Variants in PTPN21 observed in about 807,000 individuals in gnomAD.
The protein encoded by PTPN21 is tyrosine-protein phosphatase non-receptor type 21.
A neutral mutation model predicts 131.8 loss-of-function variants in PTPN21; 77 were observed. The observed-to-expected ratio is 0.58, with a 90% CI of 0.49 to 0.71. The LOEUF (loss-of-function observed/expected upper bound fraction) is 0.71. Among genes scored for constraint, PTPN21 ranks in the 30% least tolerant of loss-of-function variants. The probability of loss-of-function intolerance (pLI) is 0.00; values close to 1 mark genes in which losing one functional copy is unlikely to be tolerated. For missense variants in PTPN21, 1,552 were observed against 1,527.1 expected, an observed-to-expected ratio of 1.02 and a Z score of -0.27; for synonymous variants, 715 against 621.3, an observed-to-expected ratio of 1.15 and a Z score of -2.24.
In PTPN21 at chr14:88,479,283, GTCCTCC is replaced by G. The variant is rs765072459; in HGVS notation, c.2142_2147del (p.Glu714_Glu715del). 1.2e-6 allele frequency: 2 copies of G among 1,604,494 alleles called. No individual in the cohort carries two copies. The highest frequency in any genetic ancestry group is 8.5e-7 in the Non-Finnish European group (1 of 1,173,924). ...CCCCGCTCTCCTCCTCGAAGTCCTC[GTCCTCC>G]TCCTCCTCGCTGCTGTGGATTAGCA... On this transcript the variant is annotated inframe_deletion, in exon 13 of 19. Coordinates refer to ENST00000556564, the MANE Select transcript of PTPN21 (RefSeq NM_007039.4).
At chr14:88,524,218 T>A (rs2078442292) in intron 2 of PTPN21, among the ~76,000 whole-genome samples, 2 of 152,200 alleles carry the variant, frequency 1.3e-5, no homozygotes, top group Admixed American at 6.5e-5. Flanking sequence ...ACTTCCTTGT[T>A]TCAAAACTTA....
Position 88,466,549 on chromosome 14 carries a change from T to TAGACCC in PTPN21, c.*1587_*1588insGGGTCT, listed in dbSNP as rs2077366208. On this transcript the variant is annotated 3_prime_UTR_variant, in exon 19 of 19. Transcript: ENST00000556564. ...GCCCTAGATTTGACATTTTGGAAGT[T>TAGACCC]CACTGTAAGAAGAGACCCCAAAAAG... 2 of 152,164 alleles carry TAGACCC rather than the reference T, an allele frequency of 1.3e-5. No individual in the cohort carries two copies. Among genetic ancestry groups the TAGACCC allele is most frequent in the Admixed American group, 1.3e-4 (2 of 15,262 alleles). The allele number at this position is 152,164 out of a possible 1,614,324, so 9.4% of individuals were successfully genotyped here. A position where few individuals can be genotyped will look rare whatever the true frequency, so the allele number is the denominator to read the frequency against.
intron 2 of PTPN21, chr14:88,547,726 C>A: frequency 2.2e-6 from 1 of 451,064 alleles, no homozygotes; most frequent in Admixed American, 2.4e-5. Context: ...TCTTCTTCTT[C>A]GGCAGTTTCA....
chr14:88,550,348 C>G lies in PTPN21; in HGVS notation c.70G>C (p.Val24Leu). 1.2e-6 allele frequency: 2 copies of G among 1,614,222 alleles called. No individual in the cohort carries two copies. The highest frequency in any genetic ancestry group is 1.7e-6 in the Non-Finnish European group (2 of 1,180,046). The change falls in exon 2 of 19, where the codon GTT becomes CTT. Residue 24 changes from valine to leucine, a missense_variant. By Grantham distance (32) the Val-to-Leu change is conservative (BLOSUM62 1). Around this residue, in one of 4 missense-constraint regions of PTPN21, gnomAD observed 206 missense variants for 221.6 expected, o/e 0.93. Transcript: ENST00000556564. The part of the protein sequence containing the change: ...RYTVSSKSCL[V>L]ARIQLLNNEF... ...TTATTAAGCAGTTGGATCCGGGCAA[C>G]CAGGCAACTCTTGCTGGACACCGTG...
At chr14:88,491,440 C>T (rs999701844) in intron 10 of PTPN21, among the ~76,000 whole-genome samples, 1 of 152,172 alleles carries the variant, frequency 6.6e-6, no homozygotes, top group Non-Finnish European at 1.5e-5. Context: ...CAGAAGCCAC[C>T]GTCCAGTTCC....
intron 2 of PTPN21, among the ~76,000 whole-genome samples, chr14:88,547,275 C>G (rs533344199): frequency 1.5e-5 from 2 of 134,540 alleles, no homozygotes; most frequent in East Asian, 2.2e-4. Context: ...AAGAAAATTA[C>G]AGGAAGAAGA....
intron 10 of PTPN21, among the ~76,000 whole-genome samples, chr14:88,488,892 T>A (rs1045593646): frequency 6.6e-6 from 1 of 152,174 alleles, no homozygotes; most frequent in Non-Finnish European, 1.5e-5. Flanking sequence ...ATTGAAACTG[T>A]GCTAAGGACT....
At chr14:88,509,187 A>G (rs954797831) in intron 3 of PTPN21, among the ~76,000 whole-genome samples, 2 of 149,496 alleles carry the variant, frequency 1.3e-5, no homozygotes, top group African/African-American at 5.1e-5. Flanking sequence ...CCTTTTATTT[A>G]TTTTCTCAAC....
Position 88,480,231 on chromosome 14 carries a change from G to A in PTPN21, c.1200C>T (p.Thr400=), listed in dbSNP as rs762719007. Residue 400 remains threonine (T), a synonymous_variant, in exon 13 of 19, where the codon ACC becomes ACT. Transcript: ENST00000556564. ...AGGGCTGAGGATTATTTAAGGAGTT[G>A]GTGCTGTGTGCACTGTAGACACTGC... The part of the protein sequence containing the change: ...RNGSVYSAHS[T]NSLNNPQPYL... The A allele has an allele frequency of 1.7e-5, 28 of 1,613,982 alleles. No homozygotes were observed. The Admixed American group carries it at 4.2e-4, about 24-fold the overall frequency.
chr14:88,548,066 T>G (rs1321566311), intron 2 of PTPN21, among the ~76,000 whole-genome samples: 1 of 152,130 alleles, frequency 6.6e-6, no homozygotes, highest in Admixed American at 6.5e-5. Context: ...ACTGAAAACC[T>G]GAATATCAAC....
Position 88,473,682 on chromosome 14 carries a change from C to T in PTPN21, c.2632G>A (p.Ala878Thr). 1 of 1,613,034 alleles carries T rather than the reference C, an allele frequency of 6.2e-7. No homozygotes were observed. Among genetic ancestry groups the T allele is most frequent in the Non-Finnish European group, 8.5e-7 (1 of 1,179,846 alleles). ...PDEGKEVATR[A>T]TNDERCKILE... ...ATACATACCCTTTCATCATTCGTTG[C>T]TCTGGTAGCCACTTCCTTTCCTTCA... Residue 878 changes from alanine to threonine, a missense_variant, in exon 14 of 19, where the codon GCA (alanine) becomes ACA (threonine). Physicochemically the swap from Ala to Thr is moderately conservative, Grantham distance 58 (BLOSUM62 0). This residue lies in a region of PTPN21 where 316 missense variants were observed against 378.5 expected (regional missense o/e 0.83). Transcript: ENST00000556564.
chr14:88,470,631 A>G (rs940626787), intron 15 of PTPN21, among the ~76,000 whole-genome samples: 1 of 152,244 alleles, frequency 6.6e-6, no homozygotes, highest in African/African-American at 2.4e-5. Flanking sequence ...AGTGACGACA[A>G]TAACTGTCTC....
intron 3 of PTPN21, among the ~76,000 whole-genome samples, chr14:88,511,400 C>A (rs73317739): frequency 6.6e-6 from 1 of 151,848 alleles, no homozygotes; most frequent in African/African-American, 2.4e-5. Context: ...AGGCCTGCTG[C>A]GGTGGCTCAT....
chr14:88,468,906 G>A lies in PTPN21; in HGVS notation c.3396+10C>T. On this transcript the variant is annotated intron_variant, in intron 18 of 18. Transcript: ENST00000556564. ...ACCCAAAAAGGCCAGGTGATCATAAGCGCCATCACCTCATTGTGTTCCAGG... is the reference window on the plus strand; with the variant it reads ...ACCCAAAAAGGCCAGGTGATCATAAACGCCATCACCTCATTGTGTTCCAGG... 3 of 1,613,928 alleles carry A rather than the reference G, an allele frequency of 1.9e-6. 1 individual carries two copies. The highest frequency in any genetic ancestry group is 3.3e-4 in the Middle Eastern group (2 of 6,020).
intron 3 of PTPN21, among the ~76,000 whole-genome samples, chr14:88,508,370 C>G (rs1354744934): frequency 2.0e-5 from 3 of 151,952 alleles, no homozygotes; most frequent in Non-Finnish European, 4.4e-5. Flanking sequence ...AGGCTGTTCT[C>G]TAACTCCTGG....
In PTPN21 at chr14:88,479,174, C is replaced by A. The variant is rs776203162; in HGVS notation, c.2257G>T (p.Gly753Trp). 1 of 1,553,716 alleles carries A rather than the reference C, an allele frequency of 6.4e-7. No individual in the cohort carries two copies. ...PPGCPRVLLA[G>W]PLHILEPKAH... ...TTGGGCTCCAGGATGTGCAGGGGCC[C>A]GGCGAGCAGGACGCGAGGGCAGCCA... Residue 753 changes from glycine (G) to tryptophan (W), a missense_variant, in exon 13 of 19, where the codon GGG (glycine) becomes TGG (tryptophan). By Grantham distance (184) the Gly-to-Trp change is radical. Coordinates refer to ENST00000556564, the MANE Select transcript of PTPN21 (RefSeq NM_007039.4).
intron 4 of PTPN21, 137 bp downstream of exon 4, chr14:88,507,786 A>T: frequency 2.3e-6 from 1 of 440,222 alleles, no homozygotes; most frequent in Non-Finnish European, 3.8e-6. Flanking sequence ...GAAGCCCCTT[A>T]GATAACAGAA....
intron 2 of PTPN21, among the ~76,000 whole-genome samples, chr14:88,523,998 A>C (rs1218702129): frequency 2.0e-5 from 3 of 152,208 alleles, no homozygotes; most frequent in Non-Finnish European, 2.9e-5. Context: ...AAATAGAAAG[A>C]TATCCCATGT....
chr14:88,546,032 A>C lies in PTPN21; in HGVS notation c.180+4206T>G, dbSNP rs1461000852. 1.1e-4 allele frequency among the ~76,000 whole-genome samples: 17 copies of C among 151,314 alleles called. No individual in the cohort carries two copies. The East Asian group carries it at 3.3e-3, about 29-fold the overall frequency. The stretch of plus-strand genomic sequence containing the variant: ...AAAAAAAAAAGAAGTTACTTTCTGT[A>C]GTTCAAATATGGTGAATTTAAAAGA... On this transcript the variant is annotated intron_variant, in intron 2 of 18. Transcript: ENST00000556564.
Sources: gnomAD v4.1 joint callset for allele counts (sites outside exome capture counted in the v4.1 genomes callset) on GRCh38, gnomAD v4.1.1 for gene constraint, gnomAD v4.1.1 regional missense constraint, MANE v1.5 for transcripts, NCBI Gene and HGNC (gene_info 2026-07-23, HGNC 2026-07-21) for gene names.